FAM220A: variants seen among roughly 807,000 people sequenced by gnomAD.
FAM220A encodes family with sequence similarity 220 member A, also known as protein FAM220A.
For missense variants in FAM220A, 392 were observed against 321.6 expected, an observed-to-expected ratio of 1.22 and a Z score of -1.68; for synonymous variants, 141 against 130.7, an observed-to-expected ratio of 1.08 and a Z score of -0.54.
chr7:6,346,573 G>A lies in FAM220A; in HGVS notation c.-82+2000C>T, dbSNP rs77243648. Reference sequence around the variant, plus strand: ...TTTTTTGTATTTTAGTAGAGACAGGGTTTCACCCTGTAGCCCAGGGTGGTC... The same window carrying A: ...TTTTTTGTATTTTAGTAGAGACAGGATTTCACCCTGTAGCCCAGGGTGGTC... On this transcript the variant is annotated intron_variant, in intron 1 of 1. Transcript: ENST00000313324. Among the ~76,000 whole-genome samples, 297 of 152,266 alleles carry A rather than the reference G, an allele frequency of 2.0e-3. 1 individual carries two copies. Among genetic ancestry groups the A allele is most frequent in the African/African-American group, 6.8e-3 (283 of 41,554 alleles).
rs916721928 is a variant in FAM220A at position 6,334,879 on chromosome 7, C to T, written c.-81-3644G>A. 7.2e-5 allele frequency among the ~76,000 whole-genome samples: 11 copies of T among 152,064 alleles called. 1 individual carries two copies. Among genetic ancestry groups the T allele is most frequent in the African/African-American group, 2.7e-4 (11 of 41,418 alleles). On this transcript the variant is annotated intron_variant, in intron 1 of 1. Transcript: ENST00000313324. ...CACCTCCTGGGTTCAAGTGATTCTCCTGCCTCAGCCTCCTGAGTAGCTGGG... is the reference window on the plus strand; with the variant it reads ...CACCTCCTGGGTTCAAGTGATTCTCTTGCCTCAGCCTCCTGAGTAGCTGGG...
chr7:6,348,901 TC>T lies in FAM220A; in HGVS notation c.-411del. On this transcript the variant is annotated 5_prime_UTR_variant, in exon 1 of 2. Transcript: ENST00000313324. Reference sequence around the variant, plus strand: ...GCGGGCGGGCCGCAGTGGAGCGGAGTCCGCACGTCACGCTCGGAGAAGTGCC... The same window carrying T: ...GCGGGCGGGCCGCAGTGGAGCGGAGTCGCACGTCACGCTCGGAGAAGTGCC... 2.6e-6 allele frequency: 1 copy of T among 385,356 alleles called. No homozygotes were observed. The highest frequency in any genetic ancestry group is 6.6e-4 in the Middle Eastern group (1 of 1,526). 23.9% of individuals were successfully genotyped at this position (385,356 alleles called of 1,614,324 possible). A position where few individuals can be genotyped will look rare whatever the true frequency, so the allele number is the denominator to read the frequency against.
chr7:6,346,170 G>A (rs1175689618), intron 1 of FAM220A, among the ~76,000 whole-genome samples: 2 of 151,948 alleles, frequency 1.3e-5, no homozygotes, highest in East Asian at 3.9e-4. Flanking sequence ...CCCTATTTTC[G>A]AAGGTGGTAA....
intron 1 of FAM220A, among the ~76,000 whole-genome samples, chr7:6,347,458 G>C (rs941560303): frequency 2.0e-5 from 3 of 151,904 alleles, no homozygotes; most frequent in African/African-American, 7.3e-5. Context: ...AGAGGTTGCA[G>C]TGAGCTGAGA....
intron 1 of FAM220A, among the ~76,000 whole-genome samples, chr7:6,335,896 G>A (rs1186705213): frequency 6.6e-6 from 1 of 151,846 alleles, no homozygotes; most frequent in Non-Finnish European, 1.5e-5. Context: ...AGAGTGGCCG[G>A]GAGCAGTGGC....
At chr7:6,334,292 T>G (rs1205430059) in intron 1 of FAM220A, among the ~76,000 whole-genome samples, 1 of 150,860 alleles carries the variant, frequency 6.6e-6, no homozygotes, top group Non-Finnish European at 1.5e-5. Context: ...TCCCAGCACT[T>G]GGGGAGGCCT....
At chr7:6,347,851 C>T (rs1337039676) in intron 1 of FAM220A, among the ~76,000 whole-genome samples, 6 of 149,356 alleles carry the variant, frequency 4.0e-5, no homozygotes, top group Non-Finnish European at 7.4e-5. Context: ...GCCAGGAGTT[C>T]GAGACCAGCC....
At chr7:6,333,101 G>A (rs1367727259) in intron 1 of FAM220A, among the ~76,000 whole-genome samples, 1 of 150,158 alleles carries the variant, frequency 6.7e-6, no homozygotes, top group African/African-American at 2.5e-5. Context: ...AGGTTGCAGT[G>A]AGCCGAGATC....
At chr7:6,336,235 A>G (rs933678637) in intron 1 of FAM220A, among the ~76,000 whole-genome samples, 5 of 151,752 alleles carry the variant, frequency 3.3e-5, no homozygotes, top group African/African-American at 1.2e-4. Flanking sequence ...AGTCCCAGTC[A>G]CTTGAGAGGC....
At position 6,330,645 on chromosome 7, in the gene FAM220A, G is replaced by A. The variant is rs752926117; in HGVS notation, c.510C>T (p.Asp170=). The stretch of plus-strand genomic sequence containing the variant: ...GACCCTTGGGAAAAGCACTTGGTGG[G>A]TCATCCTGAAAACTTCCCATTTCCG... ...KVPEMGSFQD[D]PPSAFPKGLG... Residue 170 remains aspartate, a synonymous_variant, in exon 2 of 2, where the codon GAC becomes GAT. Coordinates refer to ENST00000313324, the MANE Select transcript of FAM220A (RefSeq NM_001037163.2). 1.2e-6 allele frequency: 2 copies of A among 1,614,000 alleles called. No homozygotes were observed. The highest frequency in any genetic ancestry group is 1.7e-6 in the Non-Finnish European group (2 of 1,180,050).
At chr7:6,346,255 C>T (rs1297094977) in intron 1 of FAM220A, among the ~76,000 whole-genome samples, 2 of 152,136 alleles carry the variant, frequency 1.3e-5, no homozygotes, top group African/African-American at 2.4e-5. Flanking sequence ...CAATTCAAGC[C>T]ACCTGGTGGA....
intron 1 of FAM220A, among the ~76,000 whole-genome samples, chr7:6,342,896 G>C (rs1781889327): frequency 6.6e-6 from 1 of 151,840 alleles, no homozygotes; most frequent in African/African-American, 2.4e-5. Context: ...AATCAACCAG[G>C]CATGGTGGCA....
In FAM220A at chr7:6,333,134, C is replaced by T. The variant is rs549860471; in HGVS notation, c.-81-1899G>A. On this transcript the variant is annotated intron_variant, in intron 1 of 1. Coordinates refer to ENST00000313324, the MANE Select transcript of FAM220A (RefSeq NM_001037163.2). ...ATCCCACCACTGCACTCCAGCCTGG[C>T]GACAGAGCAAGACTCCATCCCAAAT... Among the ~76,000 whole-genome samples the T allele has an allele frequency of 1.2e-4, 17 of 147,118 alleles. No homozygotes were observed. The East Asian group carries it at 2.2e-3, about 19-fold the overall frequency.
intron 1 of FAM220A, among the ~76,000 whole-genome samples, chr7:6,334,665 C>T (rs981153139): frequency 2.0e-5 from 3 of 151,872 alleles, no homozygotes; most frequent in African/African-American, 4.8e-5. Context: ...TGGGGTTCCA[C>T]GAGTTGCCCA....
At chr7:6,343,052 AAAAG>A (rs200380800) in intron 1 of FAM220A, among the ~76,000 whole-genome samples, 18,341 of 149,902 alleles carry the variant, frequency 0.12, 1,452 homozygotes, top group Admixed American at 0.22. Context: ...AAAAAAAGAA[AAAAG>A]AAAGAAAGAA....
At chr7:6,332,004 T>C (rs953508320) in intron 1 of FAM220A, among the ~76,000 whole-genome samples, 1 of 150,638 alleles carries the variant, frequency 6.6e-6, no homozygotes, top group Non-Finnish European at 1.5e-5. Flanking sequence ...CCCAGCTAGT[T>C]GGGAGGCTGA....
chr7:6,337,228 T>C (rs1266505017), intron 1 of FAM220A, among the ~76,000 whole-genome samples: 5 of 152,146 alleles, frequency 3.3e-5, no homozygotes, highest in South Asian at 2.1e-4. Context: ...TATGCCACCA[T>C]GGCCCTGGCT....
At chr7:6,342,573 G>T (rs1781883055) in intron 1 of FAM220A, among the ~76,000 whole-genome samples, 1 of 152,030 alleles carries the variant, frequency 6.6e-6, no homozygotes, top group African/African-American at 2.4e-5. Flanking sequence ...ATGGTTAGAG[G>T]AGTTACATAT....
intron 1 of FAM220A, among the ~76,000 whole-genome samples, chr7:6,337,142 G>A (rs1781764340): frequency 6.6e-6 from 1 of 151,412 alleles, no homozygotes; most frequent in South Asian, 2.1e-4. Context: ...CGCAATCTCA[G>A]CTCACTGCAG....
Sources: gnomAD v4.1 joint callset for allele counts (sites outside exome capture counted in the v4.1 genomes callset) on GRCh38, gnomAD v4.1.1 for gene constraint, MANE v1.5 for transcripts, NCBI Gene and HGNC (gene_info 2026-07-23, HGNC 2026-07-21) for gene names.